Variants in EBI3 observed in about 807,000 individuals in gnomAD.
EBI3 encodes interleukin-27 subunit beta.
A neutral mutation model predicts 21.3 loss-of-function variants in EBI3; 19 were observed. That is an observed-to-expected ratio of 0.89 (90% CI 0.62 to 1.31). EBI3 has a LOEUF of 1.31. Among genes scored for constraint, EBI3 ranks in the 50% most tolerant of loss-of-function variants. EBI3 has a pLI of 0.00. For synonymous variants in EBI3, 154 were observed against 131.2 expected, an observed-to-expected ratio of 1.17 and a Z score of -1.19; for missense variants, 331 against 314.0, an observed-to-expected ratio of 1.05 and a Z score of -0.41.
At chr19:4,234,849 G>C (rs1394914940) in intron 4 of EBI3, 25 bp downstream of exon 4, 13 of 1,611,330 alleles carry the variant, frequency 8.1e-6, no homozygotes, top group African/African-American at 1.3e-5. Context: ...GGGGAGGCTG[G>C]AAAGGGTGGT....
At chr19:4,235,765 CAA>C (rs1485909267) in intron 4 of EBI3, among the ~76,000 whole-genome samples, 4 of 151,850 alleles carry the variant, frequency 2.6e-5, no homozygotes, top group Admixed American at 6.6e-5. Context: ...CCCATCTCTA[CAA>C]AAAATTTAAA....
chr19:4,233,020 C>T (rs1374474981), intron 2 of EBI3, 109 bp from the exon 3 acceptor site: 64 of 1,285,952 alleles, frequency 5.0e-5, no homozygotes, highest in Non-Finnish European at 6.3e-5. Context: ...CCATCCGCTG[C>T]CCCCTCCTGT....
In EBI3 at chr19:4,234,758, C is replaced by T. The variant is rs1362213273; in HGVS notation, c.471C>T (p.Phe157=). Residue 157 remains phenylalanine (F), a synonymous_variant, in exon 4 of 5, where the codon TTC becomes TTT. Coordinates refer to ENST00000221847, the MANE Select transcript of EBI3 (RefSeq NM_005755.3). ...GGGAGCCTCCCGGGTCCTGGCCCTT[C>T]CCAGAGATCTTCTCACTGAAGTACT... is the stretch of plus-strand genomic sequence containing the variant. ...VQWEPPGSWP[F]PEIFSLKYWI... The T allele has an allele frequency of 1.2e-6, 2 of 1,614,122 alleles. No individual in the cohort carries two copies. The highest frequency in any genetic ancestry group is 3.3e-5 in the Admixed American group (2 of 60,002).
chr19:4,232,766 AGG>A (rs1970798510), intron 2 of EBI3, among the ~76,000 whole-genome samples: 1 of 43,586 alleles, frequency 2.3e-5, no homozygotes, highest in Admixed American at 2.2e-4. Context: ...GAATGAATGA[AGG>A]AATGAATTAA....
intron 3 of EBI3, 47 bp from the exon 4 acceptor site, chr19:4,234,620 T>G: frequency 6.3e-7 from 1 of 1,579,996 alleles, no homozygotes; most frequent in Non-Finnish European, 8.6e-7. Flanking sequence ...AATGAATGAA[T>G]GACTGGACTT....
At position 4,229,961 on chromosome 19, in the gene EBI3, G is replaced by A. The variant is rs545223286; in HGVS notation, c.67+344G>A. ...TTTTGAGACAGAGTCTCACTCTGTC[G>A]CCCAGGCTGGAGTACAGTGGCACCA... On this transcript the variant is annotated intron_variant, in intron 1 of 4. Coordinates refer to ENST00000221847, the MANE Select transcript of EBI3 (RefSeq NM_005755.3). Among the ~76,000 whole-genome samples, 17 of 152,108 alleles carry A rather than the reference G, an allele frequency of 1.1e-4. 1 individual carries two copies. Among genetic ancestry groups the A allele is most frequent in the African/African-American group, 2.9e-4 (12 of 41,514 alleles).
In EBI3 at chr19:4,233,194, G is replaced by A. The variant is rs768843518; in HGVS notation, c.266G>A (p.Cys89Tyr). 21 of 1,611,728 alleles carry A rather than the reference G, an allele frequency of 1.3e-5. No individual in the cohort carries two copies. The highest frequency in any genetic ancestry group is 1.8e-5 in the Non-Finnish European group (21 of 1,179,864). ...CLQQTPTSTS[C>Y]TITDVQLFSM... The stretch of plus-strand genomic sequence containing the variant: ...CAGCAGACGCCAACGTCCACCAGCT[G>A]CACCATCACGGATGTCCAGCTGTTC... The change falls in exon 3 of 5, where the codon TGC becomes TAC. Residue 89 changes from cysteine (C) to tyrosine (Y), a missense_variant. Physicochemically the swap from Cys to Tyr is radical, Grantham distance 194. Transcript: ENST00000221847.
At chr19:4,229,742 C>T in intron 1 of EBI3, 125 bp downstream of exon 1, 3 of 995,234 alleles carry the variant, frequency 3.0e-6, no homozygotes, top group Non-Finnish European at 4.4e-6. Flanking sequence ...TGGGGTTACC[C>T]TCCCATTGTA....
In EBI3 at chr19:4,236,518, CAAAAAAA is replaced by C. The variant is rs4009634; in HGVS notation, c.538-399_538-393del. ...CCTGGGCAACAGAGTAAGACTGTCT[CAAAAAAA>C]AAAAAAAAAAAAAAAAAAGCATGGT... On this transcript the variant is annotated intron_variant, in intron 4 of 4. Transcript: ENST00000221847. Among the ~76,000 whole-genome samples, 21 of 30,506 alleles carry C rather than the reference CAAAAAAA, an allele frequency of 6.9e-4. 1 individual carries two copies. The highest frequency in any genetic ancestry group is 1.6e-3 in the East Asian group (1 of 616). The allele number at this position is 30,506 out of a possible 152,430, so 20.0% of individuals were successfully genotyped here.
intron 4 of EBI3, among the ~76,000 whole-genome samples, chr19:4,235,858 T>C (rs1970832632): frequency 6.6e-6 from 1 of 152,126 alleles, no homozygotes; most frequent in South Asian, 2.1e-4. Context: ...GCCTGGAAGA[T>C]TGAGGCTGCA....
chr19:4,231,068 G>C, intron 1 of EBI3, 123 bp from the exon 2 acceptor site: 1 of 1,303,816 alleles, frequency 7.7e-7, no homozygotes, highest in Non-Finnish European at 1.0e-6. Context: ...TATTCCGAAA[G>C]CCTTTATTAG....
At chr19:4,234,146 C>T (rs1166355829) in intron 3 of EBI3, among the ~76,000 whole-genome samples, 1 of 152,132 alleles carries the variant, frequency 6.6e-6, no homozygotes, top group Non-Finnish European at 1.5e-5. Context: ...GTGGAGGTTG[C>T]CGTGAGCTGA....
Position 4,237,112 on chromosome 19 carries a change from A to T in EBI3, c.*24A>T. ...AGCAAGGGCTTCCCGCTGCCTCCAG[A>T]CAGCACCTGGGTCCTCGCCACCCTA... On this transcript the variant is annotated 3_prime_UTR_variant, in exon 5 of 5. Coordinates refer to ENST00000221847, the MANE Select transcript of EBI3 (RefSeq NM_005755.3). 6.8e-7 allele frequency: 1 copy of T among 1,478,256 alleles called. No homozygotes were observed. Among genetic ancestry groups the T allele is most frequent in the Non-Finnish European group, 9.0e-7 (1 of 1,106,140 alleles). 91.6% of individuals were successfully genotyped at this position (1,478,256 alleles called of 1,614,324 possible). A position where few individuals can be genotyped will look rare whatever the true frequency, so the allele number is the denominator to read the frequency against.
intron 2 of EBI3, among the ~76,000 whole-genome samples, chr19:4,232,195 T>C (rs1359530037): frequency 3.7e-5 from 4 of 109,580 alleles, no homozygotes; most frequent in African/African-American, 1.5e-4. Context: ...CTGCACTGCA[T>C]CCTGGTGATA....
chr19:4,236,537 A>AAAAAAAAAAAAAAAG, intron 4 of EBI3, among the ~76,000 whole-genome samples: 1 of 150,060 alleles, frequency 6.7e-6, no homozygotes, highest in African/African-American at 2.4e-5. Context: ...AAAAAAAAAA[A>AAAAAAAAAAAAAAAG]AAAAAAGCAT....
chr19:4,233,128 G>A lies in EBI3; in HGVS notation c.201-1G>A. The A allele has an allele frequency of 1.3e-6, 2 of 1,588,492 alleles. No homozygotes were observed. Among genetic ancestry groups the A allele is most frequent in the Non-Finnish European group, 1.7e-6 (2 of 1,174,152 alleles). On this transcript the variant is annotated splice_acceptor_variant, in intron 2 of 4. Coordinates refer to ENST00000221847, the MANE Select transcript of EBI3 (RefSeq NM_005755.3). LOFTEE classifies it high-confidence loss of function. ...CGCTCAGCGAGCCCCACCCTGTGCA[G>A]GCTCGGCATGGCTGCCCGGGGCCAC... is the stretch of plus-strand genomic sequence containing the variant.
In EBI3 at chr19:4,233,216, G is replaced by C; in HGVS notation, c.288G>C (p.Leu96=). The C allele has an allele frequency of 6.2e-7, 1 of 1,612,940 alleles. No homozygotes were observed. The highest frequency in any genetic ancestry group is 2.2e-5 in the East Asian group (1 of 44,876). ...STSCTITDVQ[L]FSMAPYVLNV... is the part of the protein sequence containing the mutation. ...GCTGCACCATCACGGATGTCCAGCT[G>C]TTCTCCATGGCTCCCTACGTGCTCA... The change falls in exon 3 of 5, where the codon CTG becomes CTC. Residue 96 remains leucine (L), a synonymous_variant. Coordinates refer to ENST00000221847, the MANE Select transcript of EBI3 (RefSeq NM_005755.3).
At position 4,237,215 on chromosome 19, in the gene EBI3, T is replaced by C; in HGVS notation, c.*127T>C. The C allele has an allele frequency of 8.2e-7, 1 of 1,215,822 alleles. No homozygotes were observed. Among genetic ancestry groups the C allele is most frequent in the Non-Finnish European group, 1.1e-6 (1 of 930,150 alleles). 75.3% of individuals were successfully genotyped at this position (1,215,822 alleles called of 1,614,324 possible). ...AGTCCTTGCTTTGCTGCTGCTGAGCTGCCGGGCAACCTCAGATGACCGACT... is the reference window on the plus strand; with the variant it reads ...AGTCCTTGCTTTGCTGCTGCTGAGCCGCCGGGCAACCTCAGATGACCGACT... On this transcript the variant is annotated 3_prime_UTR_variant, in exon 5 of 5. Transcript: ENST00000221847.
chr19:4,232,222 C>CAAAAAAAAAAAAAAA (rs71166979), intron 2 of EBI3, among the ~76,000 whole-genome samples: 9 of 57,814 alleles, frequency 1.6e-4, no homozygotes, highest in Admixed American at 2.9e-4. Context: ...GACCCCGTCT[C>CAAAAAAAAAAAAAAA]AAAAAAAAAA....
Sources: gnomAD v4.1 joint callset for allele counts (sites outside exome capture counted in the v4.1 genomes callset) on GRCh38, gnomAD v4.1.1 for gene constraint, MANE v1.5 for transcripts, NCBI Gene and HGNC (gene_info 2026-07-23, HGNC 2026-07-21) for gene names.